Variants in GRIP1 observed in about 807,000 individuals in gnomAD.
GRIP1 encodes glutamate receptor-interacting protein 1.
A neutral mutation model predicts 129.9 loss-of-function variants in GRIP1; 45 were observed. The ratio of observed to expected loss-of-function variants is 0.35; its 90% confidence interval spans 0.27 to 0.44. The LOEUF is 0.44. GRIP1 is among the 20% of genes least tolerant of loss of function. The pLI, the probability that GRIP1 is intolerant of heterozygous loss-of-function variation, is 1.00. For missense variants in GRIP1, 1,196 were observed against 1,396.8 expected, an observed-to-expected ratio of 0.86 and a Z score of 2.29; for synonymous variants, 530 against 520.8, an observed-to-expected ratio of 1.02 and a Z score of -0.24.
chr12:66,578,172 C>G (rs117813373), intron 2 of GRIP1, among the ~76,000 whole-genome samples: 2,645 of 147,660 alleles, frequency 0.018, 144 homozygotes, highest in Admixed American at 0.11. Flanking sequence ...GAAGCCAAGG[C>G]AGGTGGATCA....
chr12:66,474,925 A>C (rs1295100363), intron 7 of GRIP1, among the ~76,000 whole-genome samples: 1 of 152,144 alleles, frequency 6.6e-6, no homozygotes, highest in Non-Finnish European at 1.5e-5. Context: ...ATCAACTAAC[A>C]AGCAAAATGA....
intron 1 of GRIP1, among the ~76,000 whole-genome samples, chr12:66,898,593 T>C (rs975081548): frequency 6.6e-6 from 1 of 152,192 alleles, no homozygotes; most frequent in Non-Finnish European, 1.5e-5. Context: ...ACTCCTCTTA[T>C]CATGAAGAGC....
chr12:66,453,498 G>A (rs1381053619), intron 11 of GRIP1, among the ~76,000 whole-genome samples: 12 of 152,106 alleles, frequency 7.9e-5, no homozygotes, highest in South Asian at 6.2e-4. Context: ...TGTACCCCTC[G>A]TTAAAAAGAT....
rs1555177931 is a variant in GRIP1, at chr12:66,401,598, G to GTATATATATATATATA, written c.1984+4684_1984+4685insTATATATATATATATA. 4.0e-3 allele frequency among the ~76,000 whole-genome samples: 266 copies of GTATATATATATATATA among 66,238 alleles called. 14 individuals carry two copies. The highest frequency in any genetic ancestry group is 0.022 in the South Asian group (35 of 1,560). 43.5% of individuals were successfully genotyped at this position (66,238 alleles called of 152,430 possible). A position where few individuals can be genotyped will look rare whatever the true frequency, so the allele number is the denominator to read the frequency against. ...CCGTCTCAAAAAAAAAAATATGTGT[G>GTATATATATATATATA]TATATATATATACACACACACACAC... On this transcript the variant is annotated intron_variant, in intron 16 of 24. Transcript: ENST00000359742.
At chr12:66,551,400 G>T (rs183775102) in intron 2 of GRIP1, among the ~76,000 whole-genome samples, 129 of 152,324 alleles carry the variant, frequency 8.5e-4, no homozygotes, top group Admixed American at 9.8e-4. Flanking sequence ...CTATTTAGAG[G>T]TTTAAGTTCT....
chr12:66,510,246 C>T (rs531575362), intron 7 of GRIP1, among the ~76,000 whole-genome samples: 26 of 152,196 alleles, frequency 1.7e-4, no homozygotes, highest in African/African-American at 6.0e-4. Flanking sequence ...CCACGCTTGG[C>T]CTTCGTTCAC....
chr12:66,502,045 T>A (rs189946242), intron 7 of GRIP1, among the ~76,000 whole-genome samples: 195 of 152,318 alleles, frequency 1.3e-3, no homozygotes, highest in African/African-American at 4.6e-3. Context: ...AAACTATTTT[T>A]ATTTATAGCA....
At chr12:66,490,487 G>T (rs1182035114) in intron 7 of GRIP1, among the ~76,000 whole-genome samples, 1 of 152,038 alleles carries the variant, frequency 6.6e-6, no homozygotes, top group Non-Finnish European at 1.5e-5. Context: ...CTTAAGATGG[G>T]TTAAAGACTT....
At chr12:66,420,953 G>A (rs187304659) in intron 14 of GRIP1, among the ~76,000 whole-genome samples, 164 bp from the exon 15 acceptor site, 4 of 152,320 alleles carry the variant, frequency 2.6e-5, no homozygotes, top group Non-Finnish European at 5.9e-5. Context: ...CTTTACAAAT[G>A]TTTGTGCTAA....
chr12:66,743,866 A>G (rs1372462285), intron 1 of GRIP1, among the ~76,000 whole-genome samples: 3 of 152,210 alleles, frequency 2.0e-5, no homozygotes, highest in African/African-American at 7.2e-5. Context: ...CCTTTCCTCC[A>G]TTACATATTC....
chr12:66,408,933 G>A (rs182894172), intron 15 of GRIP1, among the ~76,000 whole-genome samples: 2 of 152,104 alleles, frequency 1.3e-5, no homozygotes, highest in Admixed American at 1.3e-4. Context: ...CAGGGGGAGA[G>A]ACTTCTCTCC....
At chr12:66,408,775 C>T (rs966744963) in intron 15 of GRIP1, among the ~76,000 whole-genome samples, 1 of 152,176 alleles carries the variant, frequency 6.6e-6, no homozygotes, top group Non-Finnish European at 1.5e-5. Context: ...TGTGGACCTG[C>T]TCTGGGACAG....
chr12:66,693,964 C>G (rs551639200), intron 1 of GRIP1, among the ~76,000 whole-genome samples: 1 of 152,266 alleles, frequency 6.6e-6, no homozygotes, highest in East Asian at 1.9e-4. Flanking sequence ...CTAATTTCAC[C>G]TCCTAAACAC....
chr12:66,462,011 G>A (rs142715346), intron 9 of GRIP1, among the ~76,000 whole-genome samples: 1 of 152,274 alleles, frequency 6.6e-6, no homozygotes, highest in Non-Finnish European at 1.5e-5. Context: ...TTGATTTGGG[G>A]CTCAAAGACC....
intron 1 of GRIP1, among the ~76,000 whole-genome samples, chr12:66,732,535 A>G (rs1021517337): frequency 1.3e-5 from 2 of 151,944 alleles, no homozygotes; most frequent in African/African-American, 2.4e-5. Context: ...ACTGGGCGAC[A>G]CCGTCTCAAA....
intron 1 of GRIP1, among the ~76,000 whole-genome samples, chr12:66,787,363 CTGA>C (rs1345742922): frequency 6.9e-6 from 1 of 144,276 alleles, no homozygotes; most frequent in Non-Finnish European, 1.6e-5. Flanking sequence ...AAAATTCTTA[CTGA>C]GGAGGAGAAT....
chr12:66,672,100 T>C (rs760679720), intron 1 of GRIP1, among the ~76,000 whole-genome samples: 5 of 152,218 alleles, frequency 3.3e-5, no homozygotes, highest in African/African-American at 1.2e-4. Flanking sequence ...TTTCAACTTA[T>C]TAAAAAGCAT....
At chr12:66,491,465 T>C (rs991755604) in intron 7 of GRIP1, among the ~76,000 whole-genome samples, 1 of 151,666 alleles carries the variant, frequency 6.6e-6, no homozygotes, top group African/African-American at 2.4e-5. Flanking sequence ...CCTGTCAGAG[T>C]GGTGGGGCTT....
At chr12:66,575,818 C>A (rs552975050) in intron 2 of GRIP1, among the ~76,000 whole-genome samples, 8 of 152,212 alleles carry the variant, frequency 5.3e-5, no homozygotes, top group African/African-American at 1.7e-4. Flanking sequence ...TGTTGTACCT[C>A]CAGTGGCTTC....
Sources: gnomAD v4.1 joint callset for allele counts (sites outside exome capture counted in the v4.1 genomes callset) on GRCh38, gnomAD v4.1.1 for gene constraint, MANE v1.5 for transcripts, NCBI Gene and HGNC (gene_info 2026-07-23, HGNC 2026-07-21) for gene names.